Variants in RAD21 observed in about 807,000 individuals in gnomAD.
RAD21 encodes the protein RAD21 cohesin complex component.
RAD21 carries 18 observed loss-of-function variants against 71.5 expected under a neutral mutation model. The ratio of observed to expected loss-of-function variants is 0.25; its 90% CI spans 0.17 to 0.37. The LOEUF (loss-of-function observed/expected upper bound fraction) is 0.37. Among genes scored for constraint, RAD21 ranks in the 10% least tolerant of loss-of-function variants. The probability of loss-of-function intolerance (pLI) is 1.00; values close to 1 mark genes in which losing one functional copy is unlikely to be tolerated. For synonymous variants in RAD21, 248 were observed against 254.0 expected (o/e 0.98, Z 0.22); for missense variants, 493 against 769.1 (o/e 0.64, Z 4.25).
intron 4 of RAD21, among the ~76,000 whole-genome samples, chr8:116,859,100 G>GAA (rs34657051): frequency 1.0e-4 from 9 of 88,934 alleles, no homozygotes; most frequent in Admixed American, 1.3e-4. Flanking sequence ...CGAACTGGGA[G>GAA]AAAAAAAAAA....
rs957527914 is a variant in RAD21 at position 116,852,007 on chromosome 8, G to C, written c.1411C>G (p.Pro471Ala). The change falls in exon 11 of 14, where the codon CCA becomes GCA. Residue 471 changes from proline to alanine, a missense_variant. Coordinates refer to ENST00000297338, the MANE Select transcript of RAD21 (RefSeq NM_006265.3). ...TNIDESAMPP[P>A]PPQGVKRKAG... Reference sequence around the variant, plus strand: ...TTTCGCTTAACTCCCTGAGGTGGTGGTGGAGGCATAGCTGACTCATCTATG... The same window carrying C: ...TTTCGCTTAACTCCCTGAGGTGGTGCTGGAGGCATAGCTGACTCATCTATG... 1 of 1,613,194 alleles carries C rather than the reference G, an allele frequency of 6.2e-7. No homozygotes were observed. The highest frequency in any genetic ancestry group is 1.7e-5 in the Admixed American group (1 of 59,994).
Position 116,849,057 on chromosome 8 carries a change from GACAAA to G in RAD21, c.1621-33_1621-29del, listed in dbSNP as rs535748593. ...GAATAAAAATGACCCCCAAAAAGCT[GACAAA>G]ACAAGTCCAATGAAAAATGAAGTAT... On this transcript the variant is annotated intron_variant, in intron 12 of 13. Transcript: ENST00000297338. 3.5e-4 allele frequency: 520 copies of G among 1,500,910 alleles called. 2 individuals carry two copies. In the African/African-American group the frequency reaches 7.0e-3, roughly 20 times the overall value. The allele number at this position is 1,500,910 out of a possible 1,614,324, so 93.0% of individuals were successfully genotyped here.
chr8:116,866,029 A>G (rs1048067082), intron 2 of RAD21, among the ~76,000 whole-genome samples: 36 of 152,164 alleles, frequency 2.4e-4, no homozygotes, highest in African/African-American at 8.7e-4. Flanking sequence ...AATGGCATTT[A>G]ACTATTATAC....
chr8:116,870,128 G>T (rs967302882), intron 1 of RAD21, among the ~76,000 whole-genome samples: 10 of 151,950 alleles, frequency 6.6e-5, no homozygotes, highest in African/African-American at 2.4e-4. Flanking sequence ...TGTTCCCAAA[G>T]GATTATTAAT....
chr8:116,846,934 C>G lies in RAD21; in HGVS notation c.*566G>C, dbSNP rs530923548. 4.7e-6 allele frequency: 1 copy of G among 214,804 alleles called. No individual in the cohort carries two copies. Among genetic ancestry groups the G allele is most frequent in the Non-Finnish European group, 9.4e-6 (1 of 106,552 alleles). The allele number at this position is 214,804 out of a possible 1,614,324, so 13.3% of individuals were successfully genotyped here. A position where few individuals can be genotyped will look rare whatever the true frequency, so the allele number is the denominator to read the frequency against. ...AAGGCTATCAGTCATAACACAATTT[C>G]GCGTACACCTCTGCTCATTATGGAA... On this transcript the variant is annotated 3_prime_UTR_variant, in exon 14 of 14. Coordinates refer to ENST00000297338, the MANE Select transcript of RAD21 (RefSeq NM_006265.3).
chr8:116,860,379 G>A (rs985067363), intron 4 of RAD21, among the ~76,000 whole-genome samples: 6 of 152,038 alleles, frequency 3.9e-5, no homozygotes, highest in Admixed American at 1.3e-4. Flanking sequence ...AAACGCTATC[G>A]GGTAGCATTG....
At chr8:116,867,415 G>A (rs7820245) in intron 1 of RAD21, among the ~76,000 whole-genome samples, 4,474 of 152,240 alleles carry the variant, frequency 0.029, 91 homozygotes, top group Middle Eastern at 0.078. Flanking sequence ...CAGGGACAAT[G>A]GTACAGCAGA....
intron 8 of RAD21, 108 bp from the exon 9 acceptor site, chr8:116,854,576 C>T (rs1812423308): frequency 2.4e-6 from 2 of 818,234 alleles, no homozygotes; most frequent in South Asian, 3.3e-5. Flanking sequence ...CACACAGACT[C>T]TAGCAGAGAA....
At chr8:116,858,101 T>C (rs766266023) in intron 5 of RAD21, among the ~76,000 whole-genome samples, 1 of 152,214 alleles carries the variant, frequency 6.6e-6, no homozygotes, top group Non-Finnish European at 1.5e-5. Context: ...CACTTCAATG[T>C]TGGGACTCCT....
At chr8:116,848,860 T>C in intron 13 of RAD21, 86 bp downstream of exon 13, 1 of 1,047,800 alleles carries the variant, frequency 9.5e-7, no homozygotes, top group Non-Finnish European at 1.4e-6. Flanking sequence ...TGCTTTCTGT[T>C]TCCAGCATCT....
chr8:116,853,669 TTACTATATTCTAAA>T (rs1271676684), intron 9 of RAD21, among the ~76,000 whole-genome samples: 8 of 152,190 alleles, frequency 5.3e-5, no homozygotes, highest in Non-Finnish European at 8.8e-5. Flanking sequence ...TTAGAATATA[TTACTATATTCTAAA>T]TACACGGTAA....
intron 1 of RAD21, among the ~76,000 whole-genome samples, chr8:116,869,831 T>C (rs1812774193): frequency 6.6e-6 from 1 of 152,216 alleles, no homozygotes; most frequent in South Asian, 2.1e-4. Flanking sequence ...TTGAATTAGC[T>C]TTTCTCTAAA....
chr8:116,852,776 T>A lies in RAD21; in HGVS notation c.1162-68A>T, dbSNP rs1364117708. The A allele has an allele frequency of 2.6e-6, 3 of 1,168,850 alleles. No individual in the cohort carries two copies. The African/African-American group carries it at 4.8e-5, about 19-fold the overall frequency. 72.4% of individuals were successfully genotyped at this position (1,168,850 alleles called of 1,614,324 possible). ...ATCTAATTAAAAAGTCACCACTGAT[T>A]TCTATCTTCCAAAGGTATGTTCTAA... On this transcript the variant is annotated intron_variant, in intron 9 of 13. Transcript: ENST00000297338.
At chr8:116,865,959 C>T (rs1489505362) in intron 2 of RAD21, among the ~76,000 whole-genome samples, 3 of 152,034 alleles carry the variant, frequency 2.0e-5, no homozygotes, top group Non-Finnish European at 4.4e-5. Flanking sequence ...ACCAAAAGTC[C>T]GTAGTTTACA....
chr8:116,850,805 C>T, intron 11 of RAD21, 38 bp from the exon 12 acceptor site: 1 of 1,358,500 alleles, frequency 7.4e-7, no homozygotes, highest in Non-Finnish European at 1.0e-6. Context: ...AAGATATATG[C>T]TTTTAAAGTA....
intron 1 of RAD21, among the ~76,000 whole-genome samples, chr8:116,872,685 G>A (rs769395781): frequency 7.9e-5 from 12 of 152,150 alleles, no homozygotes; most frequent in Non-Finnish European, 4.4e-5. Flanking sequence ...TAACCTTTAT[G>A]CAGTTCAGTT....
At position 116,852,152 on chromosome 8, in the gene RAD21, T is replaced by C. The variant is rs942363738; in HGVS notation, c.1322-56A>G. 1.3e-4 allele frequency: 179 copies of C among 1,428,834 alleles called. 1 individual carries two copies. Among genetic ancestry groups the C allele is most frequent in the African/African-American group, 7.1e-5 (5 of 70,270 alleles). The allele number at this position is 1,428,834 out of a possible 1,614,324, so 88.5% of individuals were successfully genotyped here. On this transcript the variant is annotated intron_variant, in intron 10 of 13. Transcript: ENST00000297338. ...GGTCATACAGTTTTGAACAGTATTA[T>C]AGAACCATTTATTTTTTAAACTAGT...
intron 2 of RAD21, 125 bp downstream of exon 2, chr8:116,866,461 G>C (rs1812696540): frequency 2.6e-6 from 2 of 783,896 alleles, no homozygotes; most frequent in Non-Finnish European, 1.9e-6. Context: ...ACATAATAAA[G>C]AAACATTTCT....
Position 116,869,789 on chromosome 8 carries a change from A to T in RAD21, c.-32-3028T>A, listed in dbSNP as rs896955738. Among the ~76,000 whole-genome samples, 10 of 152,214 alleles carry T rather than the reference A, an allele frequency of 6.6e-5. No homozygotes were observed. In the East Asian group the frequency reaches 1.9e-3, roughly 29 times the overall value. ...ATGCTGAAAGACACAGAGAAGCTGGATCTCTTACACTGCAGGTGGGACTAA... is the reference window on the plus strand; with the variant it reads ...ATGCTGAAAGACACAGAGAAGCTGGTTCTCTTACACTGCAGGTGGGACTAA... On this transcript the variant is annotated intron_variant, in intron 1 of 13. Coordinates refer to ENST00000297338, the MANE Select transcript of RAD21 (RefSeq NM_006265.3).
Sources: gnomAD v4.1 joint callset for allele counts (sites outside exome capture counted in the v4.1 genomes callset) on GRCh38, gnomAD v4.1.1 for gene constraint, MANE v1.5 for transcripts, NCBI Gene and HGNC (gene_info 2026-07-23, HGNC 2026-07-21) for gene names.